KLHL28: variants seen among roughly 807,000 people sequenced by gnomAD.
KLHL28 encodes kelch-like protein 28.
In KLHL28, 22 loss-of-function variants were observed where a neutral mutation model predicts 48.3. That is an observed-to-expected ratio of 0.46 (90% CI 0.33 to 0.65). The LOEUF (loss-of-function observed/expected upper bound fraction) is 0.65, where lower values mean the gene tolerates loss of function less well. Among genes scored for constraint, KLHL28 ranks in the 30% least tolerant of loss-of-function variants. The pLI, the probability that KLHL28 is intolerant of heterozygous loss-of-function variation, is 0.03. For synonymous variants in KLHL28, 243 were observed against 242.4 expected (o/e 1.00, Z -0.02); for missense variants, 527 against 704.3 (o/e 0.75, Z 2.85).
Position 44,926,758 on chromosome 14 carries a change from T to G in KLHL28, c.*2270A>C, listed in dbSNP as rs1358349227. On this transcript the variant is annotated 3_prime_UTR_variant, in exon 5 of 5. Coordinates refer to ENST00000396128, the MANE Select transcript of KLHL28 (RefSeq NM_017658.5). The stretch of plus-strand genomic sequence containing the variant: ...CCTGACCTCAGGTGATATACCCGCC[T>G]TGGCCTCTCCAAGTGCTGGGATTAC... 2.0e-5 allele frequency: 3 copies of G among 152,250 alleles called. No individual in the cohort carries two copies. The highest frequency in any genetic ancestry group is 2.0e-4 in the Admixed American group (3 of 15,280). The allele number at this position is 152,250 out of a possible 1,614,324, so 9.4% of individuals were successfully genotyped here.
chr14:44,939,056 TG>T (rs1332994378), intron 2 of KLHL28, among the ~76,000 whole-genome samples: 3 of 152,206 alleles, frequency 2.0e-5, no homozygotes, highest in Non-Finnish European at 4.4e-5. Flanking sequence ...TCTGCAAGCC[TG>T]TAGAGTTAAC....
At chr14:44,944,919 C>G in intron 2 of KLHL28, 111 bp downstream of exon 2, 1 of 804,874 alleles carries the variant, frequency 1.2e-6, no homozygotes, top group Admixed American at 2.7e-5. Context: ...TAAAAAGAAG[C>G]AAAGAAAAGT....
Position 44,929,098 on chromosome 14 carries a change from A to T in KLHL28, c.1646T>A (p.Ile549Asn). The change falls in exon 5 of 5, where the codon ATC (isoleucine) becomes AAC (asparagine). Residue 549 changes from isoleucine (I) to asparagine (N), a missense_variant. Ile to Asn is a moderately radical substitution (Grantham distance 149, BLOSUM62 -3). Coordinates refer to ENST00000396128, the MANE Select transcript of KLHL28 (RefSeq NM_017658.5). ...AGCTGAATCCAGCCACGTATCTGAG[A>T]TAGGATCATATTTCTGCACTGTATT... Reference protein sequence around the residue: ...YLNTVQKYDPISDTWLDSAGM... With the variant: ...YLNTVQKYDPNSDTWLDSAGM... 2 of 1,614,064 alleles carry T rather than the reference A, an allele frequency of 1.2e-6. No individual in the cohort carries two copies. The highest frequency in any genetic ancestry group is 1.7e-6 in the Non-Finnish European group (2 of 1,179,966).
rs1883368220 is a variant in KLHL28, at chr14:44,926,270, C to T, written c.*2758G>A. The T allele has an allele frequency of 6.6e-6, 1 of 152,174 alleles. No individual in the cohort carries two copies. Among genetic ancestry groups the T allele is most frequent in the Non-Finnish European group, 1.5e-5 (1 of 68,024 alleles). 9.4% of individuals were successfully genotyped at this position (152,174 alleles called of 1,614,324 possible). A position where few individuals can be genotyped will look rare whatever the true frequency, so the allele number is the denominator to read the frequency against. On this transcript the variant is annotated 3_prime_UTR_variant, in exon 5 of 5. Transcript: ENST00000396128. ...CTTCTAAATTTTGAACATTTTTCCT[C>T]TTCCTTTCACAGATTTTCATAATTT...
At chr14:44,956,737 A>G (rs1371833469) in intron 1 of KLHL28, among the ~76,000 whole-genome samples, 5 of 152,208 alleles carry the variant, frequency 3.3e-5, no homozygotes, top group Admixed American at 6.5e-5. Context: ...TTTAGAAAAC[A>G]GTTGGAAATT....
At chr14:44,951,252 G>T (rs191638335) in intron 1 of KLHL28, among the ~76,000 whole-genome samples, 3 of 152,332 alleles carry the variant, frequency 2.0e-5, no homozygotes, top group Non-Finnish European at 2.9e-5. Flanking sequence ...ATAGAGAGGT[G>T]AGTGGAAAAT....
At chr14:44,932,469 A>G (rs1396082275) in intron 3 of KLHL28, among the ~76,000 whole-genome samples, 1 of 152,182 alleles carries the variant, frequency 6.6e-6, no homozygotes, top group African/African-American at 2.4e-5. Context: ...CAGAATTTTC[A>G]AAAAGGCTTC....
chr14:44,957,524 A>G (rs1439790329), intron 1 of KLHL28, among the ~76,000 whole-genome samples: 1 of 152,190 alleles, frequency 6.6e-6, no homozygotes, highest in African/African-American at 2.4e-5. Context: ...GCTGCTTAAA[A>G]TATTTACTGA....
intron 2 of KLHL28, among the ~76,000 whole-genome samples, chr14:44,935,911 C>T (rs1283994663): frequency 1.4e-4 from 2 of 14,222 alleles, no homozygotes; most frequent in Non-Finnish European, 3.2e-4. Context: ...TATCTTTACC[C>T]TCCCCCCGCA....
intron 1 of KLHL28, chr14:44,960,953 T>G: frequency 6.8e-7 from 1 of 1,475,132 alleles, no homozygotes. Context: ...AAATGATAAC[T>G]TAGACTTTTC....
intron 2 of KLHL28, among the ~76,000 whole-genome samples, chr14:44,941,369 C>T (rs1221568844): frequency 6.6e-6 from 1 of 152,016 alleles, no homozygotes; most frequent in African/African-American, 2.4e-5. Context: ...CGGTGGCTCA[C>T]GACTGTAATC....
At chr14:44,930,215 C>T (rs1371030536) in intron 4 of KLHL28, among the ~76,000 whole-genome samples, 1 of 152,090 alleles carries the variant, frequency 6.6e-6, no homozygotes, top group Admixed American at 6.6e-5. Flanking sequence ...ATGTTTGTTT[C>T]AAAAGGTTCT....
intron 2 of KLHL28, among the ~76,000 whole-genome samples, chr14:44,941,638 A>G (rs1884095374): frequency 6.6e-6 from 1 of 151,598 alleles, no homozygotes; most frequent in East Asian, 1.9e-4. Context: ...CAAAAAAAAA[A>G]AAAAAAAGAA....
At chr14:44,933,237 T>C (rs887616636) in intron 3 of KLHL28, among the ~76,000 whole-genome samples, 9 of 152,128 alleles carry the variant, frequency 5.9e-5, no homozygotes, top group African/African-American at 2.2e-4. Flanking sequence ...TGCCCTGTCA[T>C]TAAAATACTC....
At chr14:44,949,303 G>A (rs1884476265) in intron 1 of KLHL28, among the ~76,000 whole-genome samples, 1 of 152,044 alleles carries the variant, frequency 6.6e-6, no homozygotes, top group African/African-American at 2.4e-5. Context: ...TAGGATATAT[G>A]AGCTAAAAAT....
intron 2 of KLHL28, among the ~76,000 whole-genome samples, chr14:44,938,221 G>A (rs1883907709): frequency 6.6e-6 from 1 of 152,176 alleles, no homozygotes. Flanking sequence ...CCTTCCTGCT[G>A]TGAGCCTGTG....
intron 4 of KLHL28, 26 bp from the exon 5 acceptor site, chr14:44,929,217 T>C (rs753771942): frequency 1.5e-5 from 23 of 1,569,470 alleles, no homozygotes; most frequent in Middle Eastern, 1.7e-4. Flanking sequence ...AAAAAGAAGA[T>C]AGAAACATGT....
At chr14:44,960,887 C>G (rs1420666254) in intron 1 of KLHL28, 7 of 1,527,940 alleles carry the variant, frequency 4.6e-6, no homozygotes, top group Non-Finnish European at 4.4e-6. Context: ...GAAATCCCAC[C>G]TGGTACAGAG....
At chr14:44,955,046 G>A (rs1884735952) in intron 1 of KLHL28, among the ~76,000 whole-genome samples, 1 of 152,016 alleles carries the variant, frequency 6.6e-6, no homozygotes, top group Admixed American at 6.6e-5. Flanking sequence ...GTGCTATAAA[G>A]CAAATGAGTA....
Sources: gnomAD v4.1 joint callset for allele counts (sites outside exome capture counted in the v4.1 genomes callset) on GRCh38, gnomAD v4.1.1 for gene constraint, MANE v1.5 for transcripts, NCBI Gene and HGNC (gene_info 2026-07-23, HGNC 2026-07-21) for gene names.